The following TRIM69 variants were observed in gnomAD, a reference collection of about 807,000 sequenced individuals.
TRIM69 encodes the protein tripartite motif containing 69.
A neutral mutation model predicts 37.7 loss-of-function variants in TRIM69; 29 were observed. The observed-to-expected ratio is 0.77, with a 90% CI of 0.57 to 1.05. TRIM69 has a LOEUF of 1.05. TRIM69 is among the 50% of genes least tolerant of loss of function. TRIM69 has a pLI of 0.00. For missense variants in TRIM69, 596 were observed against 579.9 expected, an observed-to-expected ratio of 1.03 and a Z score of -0.28; for synonymous variants, 209 against 212.4, an observed-to-expected ratio of 0.98 and a Z score of 0.14.
intron 6 of TRIM69, among the ~76,000 whole-genome samples, chr15:44,760,604 A>G (rs1453529519): frequency 6.6e-6 from 1 of 152,176 alleles, no homozygotes; most frequent in African/African-American, 2.4e-5. Context: ...GGTAATTGAC[A>G]TTGAAGAAAA....
rs1408897925 is a variant in TRIM69 at position 44,755,146 on chromosome 15, T to C, written c.253T>C (p.Cys85Arg). ...ATTCTGTCCTGAGTGTAAGATGCTATGTCAGTATAACAACTGTACATTCAA... is the reference window on the plus strand; with the variant it reads ...ATTCTGTCCTGAGTGTAAGATGCTACGTCAGTATAACAACTGTACATTCAA... ...ETFCPECKML[C>R]QYNNCTFNPV... is the part of the protein sequence containing the mutation. Residue 85 changes from cysteine to arginine, a missense_variant, in exon 2 of 7, where the codon TGT becomes CGT. Transcript: ENST00000329464. The C allele has an allele frequency of 1.9e-6, 3 of 1,614,108 alleles. No individual in the cohort carries two copies. Among genetic ancestry groups the C allele is most frequent in the Admixed American group, 1.7e-5 (1 of 60,006 alleles).
Position 44,746,818 on chromosome 15 carries a change from C to T in TRIM69, c.7-8082C>T, listed in dbSNP as rs540104012. 3.9e-5 allele frequency among the ~76,000 whole-genome samples: 6 copies of T among 152,130 alleles called. No individual in the cohort carries two copies. The East Asian group carries it at 1.2e-3, about 29-fold the overall frequency. On this transcript the variant is annotated intron_variant, in intron 1 of 6. Coordinates refer to ENST00000329464, the MANE Select transcript of TRIM69 (RefSeq NM_182985.5). ...TATAGAAACGTTAAAGTGTCAATAACAATTTAAGTGTTAGTTTTTAAATGG... is the reference window on the plus strand; with the variant it reads ...TATAGAAACGTTAAAGTGTCAATAATAATTTAAGTGTTAGTTTTTAAATGG...
intron 6 of TRIM69, among the ~76,000 whole-genome samples, chr15:44,766,916 A>G (rs1387990893): frequency 6.6e-6 from 1 of 151,660 alleles, no homozygotes; most frequent in African/African-American, 2.4e-5. Flanking sequence ...AAGATTAGCC[A>G]GGTGTGGTGG....
At chr15:44,747,104 A>G (rs1383910152) in intron 1 of TRIM69, among the ~76,000 whole-genome samples, 1 of 152,124 alleles carries the variant, frequency 6.6e-6, no homozygotes, top group Non-Finnish European at 1.5e-5. Context: ...GTTGGCCACA[A>G]CCCACAAGCC....
Position 44,767,062 on chromosome 15 carries a change from A to AAAAAAAAAAG in TRIM69, c.962-160_962-159insGAAAAAAAAA, listed in dbSNP as rs1566902657. Among the ~76,000 whole-genome samples the AAAAAAAAAAG allele has an allele frequency of 1.3e-4, 18 of 133,518 alleles. 1 individual carries two copies. The highest frequency in any genetic ancestry group is 2.6e-4 in the Non-Finnish European group (16 of 61,326). 87.6% of individuals were successfully genotyped at this position (133,518 alleles called of 152,430 possible). A position where few individuals can be genotyped will look rare whatever the true frequency, so the allele number is the denominator to read the frequency against. ...GCAACCTTGTCTGCCTCAAAAAAAAAAAAAAAAAAAAAAAAAAAAAAAGCA... is the reference window on the plus strand; with the variant it reads ...GCAACCTTGTCTGCCTCAAAAAAAAAAAAAAAAAAGAAAAAAAAAAAAAAAAAAAAAAGCA... On this transcript the variant is annotated intron_variant, in intron 6 of 6. Transcript: ENST00000329464.
Position 44,736,691 on chromosome 15 carries a change from T to A in TRIM69, c.-14T>A. On this transcript the variant is annotated 5_prime_UTR_variant, in exon 1 of 7. Transcript: ENST00000329464. ...TCAAGTGCCTGCCTCTGCCCCTTGGTGGGCTGAAGCTTCATGGAGGTGAGT... is the reference window on the plus strand; with the variant it reads ...TCAAGTGCCTGCCTCTGCCCCTTGGAGGGCTGAAGCTTCATGGAGGTGAGT... 1 of 1,610,482 alleles carries A rather than the reference T, an allele frequency of 6.2e-7. No individual in the cohort carries two copies. Among genetic ancestry groups the A allele is most frequent in the Non-Finnish European group, 8.5e-7 (1 of 1,178,830 alleles).
chr15:44,752,443 C>T (rs987586408), intron 1 of TRIM69, among the ~76,000 whole-genome samples: 1 of 152,134 alleles, frequency 6.6e-6, no homozygotes, highest in Non-Finnish European at 1.5e-5. Context: ...AGTAGAGCTA[C>T]TCCATCTTTT....
chr15:44,748,718 C>G (rs191956445), intron 1 of TRIM69, among the ~76,000 whole-genome samples: 11 of 148,976 alleles, frequency 7.4e-5, no homozygotes, highest in African/African-American at 2.5e-4. Context: ...CCCAGCTACT[C>G]GGGAGTCTGA....
intron 1 of TRIM69, among the ~76,000 whole-genome samples, chr15:44,740,294 G>A (rs1447711823): frequency 6.6e-6 from 1 of 152,162 alleles, no homozygotes; most frequent in Non-Finnish European, 1.5e-5. Context: ...AACAGAGCAG[G>A]AAAACTGGAA....
intron 6 of TRIM69, among the ~76,000 whole-genome samples, chr15:44,762,306 T>C (rs1398083180): frequency 6.6e-6 from 1 of 152,176 alleles, no homozygotes; most frequent in African/African-American, 2.4e-5. Context: ...GTCACTTGCT[T>C]CCATCAATTT....
chr15:44,739,977 C>T (rs891728233), intron 1 of TRIM69, among the ~76,000 whole-genome samples: 1 of 151,894 alleles, frequency 6.6e-6, no homozygotes, highest in Non-Finnish European at 1.5e-5. Flanking sequence ...CTGGGAGGCA[C>T]CCCCAAGTAG....
intron 3 of TRIM69, chr15:44,758,398 G>A (rs1175282856): frequency 3.1e-6 from 2 of 644,212 alleles, no homozygotes; most frequent in South Asian, 4.1e-5. Context: ...GGAAACTGGA[G>A]GTCACTTTTG....
chr15:44,758,473 A>G, intron 3 of TRIM69, 148 bp from the exon 4 acceptor site: 2 of 1,187,770 alleles, frequency 1.7e-6, no homozygotes, highest in Non-Finnish European at 2.3e-6. Context: ...GACTCATTTT[A>G]GTATGACTGA....
At chr15:44,738,050 C>CTTTTT (rs772041054) in intron 1 of TRIM69, among the ~76,000 whole-genome samples, 25 of 117,996 alleles carry the variant, frequency 2.1e-4, no homozygotes, top group African/African-American at 7.6e-4. Context: ...TACTTTCTTT[C>CTTTTT]TTTCTTTTTT....
At position 44,759,672 on chromosome 15, in the gene TRIM69, T is replaced by C; in HGVS notation, c.836+10T>C. On this transcript the variant is annotated intron_variant, in intron 5 of 6. Coordinates refer to ENST00000329464, the MANE Select transcript of TRIM69 (RefSeq NM_182985.5). Reference sequence around the variant, plus strand: ...CAACTCTCTTACATAGGTAAGTGTTTCCCTATGGTACTATTAATATCATTC... The same window carrying C: ...CAACTCTCTTACATAGGTAAGTGTTCCCCTATGGTACTATTAATATCATTC... The C allele has an allele frequency of 6.2e-7, 1 of 1,614,152 alleles. No individual in the cohort carries two copies. The highest frequency in any genetic ancestry group is 8.5e-7 in the Non-Finnish European group (1 of 1,180,000).
intron 1 of TRIM69, among the ~76,000 whole-genome samples, chr15:44,749,012 C>A (rs1481470765): frequency 6.6e-6 from 1 of 151,638 alleles, no homozygotes; most frequent in Non-Finnish European, 1.5e-5. Flanking sequence ...TTCCGAGTAG[C>A]CGGGATTACA....
Position 44,767,494 on chromosome 15 carries a change from C to G in TRIM69, c.1225C>G (p.Pro409Ala). 1 of 1,614,146 alleles carries G rather than the reference C, an allele frequency of 6.2e-7. No individual in the cohort carries two copies. The highest frequency in any genetic ancestry group is 8.5e-7 in the Non-Finnish European group (1 of 1,180,016). ...IIRKGSCPLT[P>A]EQGFWLLRLR... ...TCGGAAGGGCAGCTGTCCTCTAACTCCTGAGCAAGGATTCTGGCTTTTAAG... is the reference window on the plus strand; with the variant it reads ...TCGGAAGGGCAGCTGTCCTCTAACTGCTGAGCAAGGATTCTGGCTTTTAAG... Residue 409 changes from proline to alanine, a missense_variant, in exon 7 of 7, where the codon CCT (proline) becomes GCT (alanine). Transcript: ENST00000329464.
At chr15:44,738,634 T>C (rs534430570) in intron 1 of TRIM69, among the ~76,000 whole-genome samples, 65 of 152,336 alleles carry the variant, frequency 4.3e-4, no homozygotes, top group Middle Eastern at 3.4e-3. Flanking sequence ...ATTTAATAAA[T>C]TCAATTCCAC....
intron 6 of TRIM69, among the ~76,000 whole-genome samples, chr15:44,765,174 A>T (rs912309285): frequency 6.6e-6 from 1 of 152,204 alleles, no homozygotes; most frequent in Admixed American, 6.5e-5. Flanking sequence ...TTGAAGGTGG[A>T]GCTGACAGAA....
Sources: gnomAD v4.1 joint callset for allele counts (sites outside exome capture counted in the v4.1 genomes callset) on GRCh38, gnomAD v4.1.1 for gene constraint, MANE v1.5 for transcripts, NCBI Gene and HGNC (gene_info 2026-07-23, HGNC 2026-07-21) for gene names.